The following OR1L8 variants were observed in gnomAD, a reference collection of about 807,000 sequenced individuals.
OR1L8 encodes the protein olfactory receptor family 1 subfamily L member 8.
For synonymous variants in OR1L8, 148 were observed against 147.0 expected (o/e 1.01, Z -0.05); for missense variants, 330 against 377.4 (o/e 0.87, Z 1.04).
the OR1L8 span, among the ~76,000 whole-genome samples, chr9:122,552,795 TG>T: frequency 7.0e-6 from 1 of 143,804 alleles, no homozygotes; most frequent in Non-Finnish European, 1.5e-5. Flanking sequence ...TGTGTGTGTG[TG>T]TTGGAGGAGG....
chr9:122,559,316 AT>A, the OR1L8 span, among the ~76,000 whole-genome samples: 1 of 149,334 alleles, frequency 6.7e-6, no homozygotes, highest in Non-Finnish European at 1.5e-5. Context: ...ATTTTTTTTT[AT>A]TTTACTTTAA....
At chr9:122,554,041 C>T in the OR1L8 span, 1 of 1,613,726 alleles carries the variant, frequency 6.2e-7, no homozygotes. Flanking sequence ...GAAAGTAGGG[C>T]TGCTGTTCTC....
chr9:122,569,708 T>C (rs190401688), intron 4 of OR1L8, among the ~76,000 whole-genome samples: 29 of 151,902 alleles, frequency 1.9e-4, no homozygotes, highest in Admixed American at 1.5e-3. Context: ...ATTTAAGTTT[T>C]AGGGTACATG....
the OR1L8 span, among the ~76,000 whole-genome samples, chr9:122,548,977 G>C: frequency 2.0e-5 from 3 of 151,902 alleles, no homozygotes; most frequent in African/African-American, 7.3e-5. Flanking sequence ...GTTTAATTTA[G>C]TTCCATTTGT....
chr9:122,575,069 A>C (rs1829628145), intron 3 of OR1L8, among the ~76,000 whole-genome samples: 1 of 152,038 alleles, frequency 6.6e-6, no homozygotes, highest in South Asian at 2.1e-4. Context: ...TGATGTATAA[A>C]TCTTTTTATA....
At chr9:122,565,021 A>T (rs1829406724), downstream of OR1L8, among the ~76,000 whole-genome samples, 1 of 152,230 alleles carries the variant, frequency 6.6e-6, no homozygotes. Context: ...AAATCTGGCT[A>T]AAATTCAAGG....
chr9:122,553,260 C>T, the OR1L8 span: 5 of 1,613,644 alleles, frequency 3.1e-6, no homozygotes, highest in East Asian at 1.1e-4. Flanking sequence ...AGACTTCCTC[C>T]TTCTAGGACT....
chr9:122,548,715 G>A, the OR1L8 span, among the ~76,000 whole-genome samples: 2 of 151,432 alleles, frequency 1.3e-5, no homozygotes, highest in Non-Finnish European at 2.9e-5. Flanking sequence ...TTTACATTAG[G>A]TATATCTCCT....
downstream of OR1L8, among the ~76,000 whole-genome samples, chr9:122,563,453 T>C (rs1373915631): frequency 6.6e-6 from 1 of 152,176 alleles, no homozygotes; most frequent in Non-Finnish European, 1.5e-5. Flanking sequence ...TTTAAAATCA[T>C]TTATTTGTTT....
the OR1L8 span, chr9:122,554,046 G>C: frequency 6.2e-7 from 1 of 1,613,726 alleles, no homozygotes; most frequent in Admixed American, 1.7e-5. Context: ...TAGGGCTGCT[G>C]TTCTCTATAT....
chr9:122,557,571 G>A, the OR1L8 span, among the ~76,000 whole-genome samples: 2 of 151,986 alleles, frequency 1.3e-5, no homozygotes, highest in Non-Finnish European at 1.5e-5. Flanking sequence ...TGGATATGGT[G>A]TATAATTCTT....
the OR1L8 span, among the ~76,000 whole-genome samples, chr9:122,550,813 G>A: frequency 6.6e-6 from 1 of 151,692 alleles, no homozygotes; most frequent in African/African-American, 2.4e-5. Context: ...GGGGAAAGCT[G>A]AACGCATTCC....
At chr9:122,554,125 G>A in the OR1L8 span, 76 of 1,613,252 alleles carry the variant, frequency 4.7e-5, no homozygotes, top group African/African-American at 2.5e-4. Flanking sequence ...GAGGCTTTGG[G>A]TAAACTTTTT....
chr9:122,553,606 C>G, the OR1L8 span: 1 of 1,614,098 alleles, frequency 6.2e-7, no homozygotes, highest in Non-Finnish European at 8.5e-7. Flanking sequence ...ATCTGCCAAC[C>G]ACTCCATTAC....
chr9:122,571,119 C>T (rs1007172885), intron 4 of OR1L8, among the ~76,000 whole-genome samples: 1 of 152,196 alleles, frequency 6.6e-6, no homozygotes, highest in Non-Finnish European at 1.5e-5. Context: ...AAATACACAA[C>T]TGACAAACTT....
the OR1L8 span, among the ~76,000 whole-genome samples, chr9:122,561,628 C>T: frequency 2.0e-5 from 3 of 152,050 alleles, no homozygotes; most frequent in Non-Finnish European, 4.4e-5. Context: ...GGGTTCATTT[C>T]AGGCCTTATT....
At chr9:122,547,620 AGTGTGTGTGTGTGTGTGT>A in the OR1L8 span, among the ~76,000 whole-genome samples, 1 of 142,902 alleles carries the variant, frequency 7.0e-6, no homozygotes, top group Admixed American at 7.1e-5. Flanking sequence ...GTAGTAGTTC[AGTGTGTGTGTGTGTGTGT>A]GTGTGTGTGT....
chr9:122,557,542 T>C, the OR1L8 span, among the ~76,000 whole-genome samples: 1 of 152,192 alleles, frequency 6.6e-6, no homozygotes, highest in South Asian at 2.1e-4. Flanking sequence ...AGCCCTGCAT[T>C]CCTGAGATAA....
chr9:122,565,520 C>T (rs1011949921), downstream of OR1L8, among the ~76,000 whole-genome samples: 2 of 152,224 alleles, frequency 1.3e-5, no homozygotes, highest in African/African-American at 4.8e-5. Flanking sequence ...CTGGCCACTG[C>T]CACCTTTGAG....
Sources: gnomAD v4.1 joint callset for allele counts (sites outside exome capture counted in the v4.1 genomes callset) on GRCh38, gnomAD v4.1.1 for gene constraint, MANE v1.5 for transcripts, NCBI Gene and HGNC (gene_info 2026-07-23, HGNC 2026-07-21) for gene names.